The following SLC41A3 variants were observed in gnomAD, a reference collection of about 807,000 sequenced individuals.
SLC41A3 encodes the protein solute carrier family 41 member 3, also known as SLC41A1-like 2.
SLC41A3 carries 44 observed loss-of-function variants against 45.4 expected under a neutral mutation model. The observed-to-expected ratio is 0.97, with a 90% confidence interval of 0.76 to 1.25. SLC41A3 has a LOEUF of 1.25. Ranked by LOEUF, SLC41A3 falls within the 50% of genes most tolerant of loss-of-function variation. The pLI, the probability that SLC41A3 is intolerant of heterozygous loss-of-function variation, is 0.00. For missense variants in SLC41A3, 550 were observed against 600.6 expected (o/e 0.92, Z 0.88); for synonymous variants, 256 against 252.4 (o/e 1.01, Z -0.13).
intron 6 of SLC41A3, among the ~76,000 whole-genome samples, chr3:126,019,563 A>G (rs1490741789): frequency 1.3e-5 from 2 of 152,212 alleles, no homozygotes; most frequent in African/African-American, 4.8e-5. Flanking sequence ...AAAACAAGCT[A>G]CCTGCTTCTA....
intron 2 of SLC41A3, among the ~76,000 whole-genome samples, chr3:126,052,086 C>T (rs561485883): frequency 6.6e-6 from 1 of 152,298 alleles, no homozygotes; most frequent in Admixed American, 6.5e-5. Context: ...TTAGTTTCTT[C>T]CTGTACCTTA....
At chr3:126,061,452 C>T (rs1306362305) in intron 2 of SLC41A3, among the ~76,000 whole-genome samples, 1 of 152,184 alleles carries the variant, frequency 6.6e-6, no homozygotes, top group African/African-American at 2.4e-5. Context: ...GGGCCGCTCC[C>T]ACCACTTGCT....
chr3:126,054,195 C>A (rs946524472), intron 2 of SLC41A3, among the ~76,000 whole-genome samples: 1 of 152,130 alleles, frequency 6.6e-6, no homozygotes, highest in Admixed American at 6.5e-5. Context: ...ACACATAAGT[C>A]CTATGAACCC....
intron 1 of SLC41A3, among the ~76,000 whole-genome samples, chr3:126,081,664 G>A (rs1284718630): frequency 6.6e-6 from 1 of 152,148 alleles, no homozygotes; most frequent in East Asian, 1.9e-4. Flanking sequence ...AATGAACCTG[G>A]TGTGATGCAC....
At chr3:126,096,017 A>G (rs912151055) in intron 1 of SLC41A3, among the ~76,000 whole-genome samples, 7 of 152,236 alleles carry the variant, frequency 4.6e-5, no homozygotes, top group African/African-American at 1.4e-4. Flanking sequence ...TTTTAATAAG[A>G]TCAAAATTTG....
At chr3:126,075,186 T>A (rs1317909434) in intron 1 of SLC41A3, among the ~76,000 whole-genome samples, 2 of 152,234 alleles carry the variant, frequency 1.3e-5, no homozygotes, top group Non-Finnish European at 1.5e-5. Context: ...GCTCAACTGA[T>A]CCTCCTGCCT....
chr3:126,018,901 C>T (rs1197145960), intron 6 of SLC41A3, among the ~76,000 whole-genome samples: 1 of 152,232 alleles, frequency 6.6e-6, no homozygotes, highest in Non-Finnish European at 1.5e-5. Context: ...TGTGGAATAA[C>T]CTCAGGCTTT....
At chr3:126,028,499 A>G (rs1278809693) in intron 4 of SLC41A3, among the ~76,000 whole-genome samples, 1 of 152,260 alleles carries the variant, frequency 6.6e-6, no homozygotes, top group Non-Finnish European at 1.5e-5. Context: ...CAGAGGATGT[A>G]TGGAAAAGCC....
chr3:126,016,941 G>T, intron 6 of SLC41A3, 66 bp from the exon 7 acceptor site: 1 of 1,580,766 alleles, frequency 6.3e-7, no homozygotes, highest in South Asian at 1.2e-5. Context: ...GCTGGGCCTG[G>T]GTTTCACAAA....
intron 3 of SLC41A3, among the ~76,000 whole-genome samples, chr3:126,041,573 A>AT (rs1414295224): frequency 1.3e-5 from 2 of 152,276 alleles, no homozygotes; most frequent in Admixed American, 6.5e-5. Context: ...CTGCAGGAAC[A>AT]TAACTATGAA....
At chr3:126,094,382 TG>T (rs760530506) in intron 1 of SLC41A3, among the ~76,000 whole-genome samples, 18 of 152,196 alleles carry the variant, frequency 1.2e-4, no homozygotes, top group Non-Finnish European at 2.4e-4. Context: ...AAAGAGAAAC[TG>T]GAGGCTTTAG....
upstream of SLC41A3, chr3:126,084,370 C>T (rs1001248551): frequency 6.6e-6 from 1 of 152,164 alleles, no homozygotes. Flanking sequence ...CAGCTGGGGC[C>T]CCACTGGCGC....
intron 1 of SLC41A3, among the ~76,000 whole-genome samples, chr3:126,077,180 C>A (rs1213693910): frequency 6.6e-6 from 1 of 152,048 alleles, no homozygotes; most frequent in Non-Finnish European, 1.5e-5. Flanking sequence ...GAGTTTGAGA[C>A]CAGCTTGGCC....
upstream of SLC41A3, among the ~76,000 whole-genome samples, chr3:126,086,166 G>A (rs1017522916): frequency 7.2e-5 from 11 of 152,046 alleles, no homozygotes; most frequent in African/African-American, 2.7e-4. Context: ...ACCTCATTTC[G>A]GGCACTCTGT....
intron 8 of SLC41A3, among the ~76,000 whole-genome samples, chr3:126,013,416 A>T (rs1464288042): frequency 6.6e-6 from 1 of 152,068 alleles, no homozygotes; most frequent in Non-Finnish European, 1.5e-5. Context: ...AAAAAAAATT[A>T]GCTGGGCATG....
upstream of SLC41A3, among the ~76,000 whole-genome samples, chr3:126,086,412 T>TTTTTTG: frequency 7.4e-6 from 1 of 135,010 alleles, no homozygotes; most frequent in Non-Finnish European, 1.6e-5. Flanking sequence ...TTTCTTGTTT[T>TTTTTTG]TTTTTTTTTT....
chr3:126,033,770 T>C, intron 3 of SLC41A3, 92 bp from the exon 4 acceptor site: 1 of 1,308,702 alleles, frequency 7.6e-7, no homozygotes. Context: ...AGGGAAGAAA[T>C]CAACAAATAC....
intron 1 of SLC41A3, among the ~76,000 whole-genome samples, chr3:126,073,799 A>T (rs1421873454): frequency 6.6e-6 from 1 of 152,204 alleles, no homozygotes; most frequent in Non-Finnish European, 1.5e-5. Flanking sequence ...TTAAAAAAAA[A>T]TAACACAAAT....
chr3:126,018,241 G>C (rs1442314185), intron 6 of SLC41A3, among the ~76,000 whole-genome samples: 2 of 152,214 alleles, frequency 1.3e-5, no homozygotes, highest in Non-Finnish European at 2.9e-5. Flanking sequence ...CATAAGTCAT[G>C]TGGAAATGAG....
Sources: gnomAD v4.1 joint callset for allele counts (sites outside exome capture counted in the v4.1 genomes callset) on GRCh38, gnomAD v4.1.1 for gene constraint, MANE v1.5 for transcripts, NCBI Gene and HGNC (gene_info 2026-07-23, HGNC 2026-07-21) for gene names.